REPS1: variants seen among roughly 807,000 people sequenced by gnomAD.
REPS1 encodes ralBP1-associated Eps domain-containing protein 1.
In REPS1, 39 loss-of-function variants were observed where a neutral mutation model predicts 100.9. The observed-to-expected ratio is 0.39, with a 90% CI of 0.30 to 0.50. REPS1 has a LOEUF of 0.50. Among genes scored for constraint, REPS1 ranks in the 20% least tolerant of loss-of-function variants. The probability of loss-of-function intolerance (pLI) is 0.86; values close to 1 mark genes in which losing one functional copy is unlikely to be tolerated. For synonymous variants in REPS1, 324 were observed against 340.3 expected (o/e 0.95, Z 0.53); for missense variants, 821 against 968.5 (o/e 0.85, Z 2.02).
chr6:138,911,384 A>T lies in REPS1; in HGVS notation c.1972-13T>A. On this transcript the variant is annotated splice_polypyrimidine_tract_variant and intron_variant, in intron 16 of 19. Transcript: ENST00000450536. ...AAGCTTTTTCAGCCTAAAAATGAAT[A>T]TGTTTATCACTATTAATTCTACATA... 3.2e-6 allele frequency: 5 copies of T among 1,544,432 alleles called. No homozygotes were observed. The highest frequency in any genetic ancestry group is 4.5e-6 in the Non-Finnish European group (5 of 1,117,042).
At chr6:138,942,901 T>G (rs1378170397) in intron 7 of REPS1, among the ~76,000 whole-genome samples, 1 of 151,988 alleles carries the variant, frequency 6.6e-6, no homozygotes, top group African/African-American at 2.4e-5. Flanking sequence ...ATTACAGGCA[T>G]GTGCCACCAT....
At chr6:138,957,817 C>G (rs948393913) in intron 1 of REPS1, among the ~76,000 whole-genome samples, 3 of 152,166 alleles carry the variant, frequency 2.0e-5, no homozygotes, top group Non-Finnish European at 4.4e-5. Flanking sequence ...ATACTTGGCT[C>G]TGCCATGAAA....
intron 1 of REPS1, among the ~76,000 whole-genome samples, chr6:138,956,997 T>C (rs1451044120): frequency 6.6e-6 from 1 of 151,108 alleles, no homozygotes; most frequent in African/African-American, 2.4e-5. Context: ...TAGAGAAAAA[T>C]GTCTCCAGAA....
intron 2 of REPS1, among the ~76,000 whole-genome samples, chr6:138,945,966 A>G (rs1027952666): frequency 6.6e-6 from 1 of 152,160 alleles, no homozygotes; most frequent in African/African-American, 2.4e-5. Context: ...GTTTGGCCCT[A>G]TACTTGCCAC....
chr6:138,921,976 A>AGTGT (rs71895504), intron 10 of REPS1, among the ~76,000 whole-genome samples: 4,252 of 148,564 alleles, frequency 0.029, 181 homozygotes, highest in African/African-American at 0.093. Context: ...CATCTCAAAA[A>AGTGT]GTGTGTGTGT....
chr6:138,915,737 A>C, intron 14 of REPS1, 121 bp downstream of exon 14: 1 of 742,558 alleles, frequency 1.3e-6, no homozygotes, highest in Non-Finnish European at 2.2e-6. Flanking sequence ...ATGAGCAACC[A>C]CACTCGACCA....
chr6:138,919,362 G>A (rs1290021721), intron 12 of REPS1, among the ~76,000 whole-genome samples: 1 of 152,046 alleles, frequency 6.6e-6, no homozygotes, highest in African/African-American at 2.4e-5. Context: ...GTCCTGTTTT[G>A]TCTCGCCTTC....
intron 1 of REPS1, among the ~76,000 whole-genome samples, chr6:138,957,573 A>G (rs1174689376): frequency 6.6e-6 from 1 of 152,208 alleles, no homozygotes; most frequent in Non-Finnish European, 1.5e-5. Flanking sequence ...TCCAGGAAAA[A>G]GTAGATACAT....
rs1779527653 is a variant in REPS1, at chr6:138,904,792, T to C, written c.*272A>G. On this transcript the variant is annotated 3_prime_UTR_variant, in exon 20 of 20. Transcript: ENST00000450536. Reference sequence around the variant, plus strand: ...TTAAATTGGTGTGTGGTATTAGCCATAGAAGCATTGCATATCCCAGATGCT... The same window carrying C: ...TTAAATTGGTGTGTGGTATTAGCCACAGAAGCATTGCATATCCCAGATGCT... The C allele has an allele frequency of 6.7e-6, 2 of 296,362 alleles. No homozygotes were observed. The highest frequency in any genetic ancestry group is 9.9e-4 in the Middle Eastern group (1 of 1,008). 18.4% of individuals were successfully genotyped at this position (296,362 alleles called of 1,614,324 possible). A position where few individuals can be genotyped will look rare whatever the true frequency, so the allele number is the denominator to read the frequency against.
chr6:138,945,504 T>C lies in REPS1; in HGVS notation c.471A>G (p.Ala157=), dbSNP rs377222581. The change falls in exon 3 of 20, where the codon GCA becomes GCG. Residue 157 remains alanine, a synonymous_variant. Coordinates refer to ENST00000450536, the MANE Select transcript of REPS1 (RefSeq NM_001286611.2). ...ATATTTACATGCATGTGATTACCTG[T>C]GCATCTGCAGATGTACGAGGCTGAA... ...DTVQPRTSAD[A]QEPASPVVSP... is the part of the protein sequence containing the mutation. 2.5e-6 allele frequency: 4 copies of C among 1,600,578 alleles called. No individual in the cohort carries two copies. Among genetic ancestry groups the C allele is most frequent in the Non-Finnish European group, 2.6e-6 (3 of 1,174,226 alleles).
At chr6:138,947,149 G>A (rs940459192) in intron 2 of REPS1, among the ~76,000 whole-genome samples, 1 of 151,420 alleles carries the variant, frequency 6.6e-6, no homozygotes, top group African/African-American at 2.4e-5. Flanking sequence ...GTGGCCTCCC[G>A]AGCTATGCAG....
intron 12 of REPS1, 30 bp from the exon 13 acceptor site, chr6:138,917,657 A>C (rs1562517244): frequency 6.4e-7 from 1 of 1,561,022 alleles, no homozygotes; most frequent in Non-Finnish European, 8.8e-7. Flanking sequence ...CTATTTAATA[A>C]TAATCATTTC....
chr6:138,977,401 A>G (rs1393727716), intron 1 of REPS1, among the ~76,000 whole-genome samples: 1 of 152,168 alleles, frequency 6.6e-6, no homozygotes, highest in African/African-American at 2.4e-5. Flanking sequence ...TGGCGTGAAC[A>G]CAGCTCACTG....
rs771623355 is a variant in REPS1, at chr6:138,943,833, TTC to T, written c.916+18_916+19del. The T allele has an allele frequency of 7.5e-6, 12 of 1,605,830 alleles. No homozygotes were observed. The highest frequency in any genetic ancestry group is 1.1e-5 in the South Asian group (1 of 90,298). On this transcript the variant is annotated intron_variant, in intron 6 of 19. Coordinates refer to ENST00000450536, the MANE Select transcript of REPS1 (RefSeq NM_001286611.2). ...ATTCTCCTGTCCCATCTAGAAGAAC[TTC>T]TGTTTTCAACAACTCACCTGGAATA... is the stretch of plus-strand genomic sequence containing the variant.
chr6:138,925,885 T>G (rs6908739), intron 10 of REPS1, among the ~76,000 whole-genome samples: 1 of 152,120 alleles, frequency 6.6e-6, no homozygotes, highest in Non-Finnish European at 1.5e-5. Flanking sequence ...AGAGGCTCCT[T>G]TGCATAAGCG....
At chr6:138,940,169 G>A (rs1001571292) in intron 8 of REPS1, among the ~76,000 whole-genome samples, 1 of 152,246 alleles carries the variant, frequency 6.6e-6, no homozygotes, top group East Asian at 1.9e-4. Flanking sequence ...TTCCTTCTGC[G>A]TAATTTAGAC....
chr6:138,976,593 T>C (rs762649078), intron 1 of REPS1, among the ~76,000 whole-genome samples: 1 of 152,216 alleles, frequency 6.6e-6, no homozygotes, highest in African/African-American at 2.4e-5. Flanking sequence ...CTTTGAGGTA[T>C]TATATTTCTA....
intron 1 of REPS1, among the ~76,000 whole-genome samples, chr6:138,977,103 CAT>C (rs1380926329): frequency 6.6e-6 from 1 of 152,170 alleles, no homozygotes; most frequent in Admixed American, 6.5e-5. Flanking sequence ...ATTCAACCAT[CAT>C]ATGTGTACAA....
chr6:138,962,323 G>A (rs1479111171), intron 1 of REPS1, among the ~76,000 whole-genome samples: 1 of 151,752 alleles, frequency 6.6e-6, no homozygotes, highest in Non-Finnish European at 1.5e-5. Context: ...TGATACAATG[G>A]TCCTAGAGAG....
Sources: allele counts gnomAD v4.1 joint callset (sites outside exome capture counted in the v4.1 genomes callset), GRCh38; gene constraint gnomAD v4.1.1; transcripts MANE v1.5; gene names NCBI Gene and HGNC (gene_info 2026-07-23, HGNC 2026-07-21).